MYO5C: variants seen among roughly 807,000 people sequenced by gnomAD.
The protein encoded by MYO5C is unconventional myosin-Vc.
MYO5C carries 194 observed loss-of-function variants against 235.7 expected under a neutral mutation model. The observed-to-expected ratio is 0.82, with a 90% CI of 0.73 to 0.93. The LOEUF (loss-of-function observed/expected upper bound fraction) is 0.93. Ranked by LOEUF, MYO5C falls within the 40% of genes least tolerant of loss-of-function variation. The pLI, the probability that MYO5C is intolerant of heterozygous loss-of-function variation, is 0.00. For missense variants in MYO5C, 2,038 were observed against 2,127.2 expected (o/e 0.96, Z 0.82); for synonymous variants, 707 against 754.8 (o/e 0.94, Z 1.04).
intron 1 of MYO5C, among the ~76,000 whole-genome samples, chr15:52,285,256 T>C (rs945102192): frequency 1.3e-5 from 2 of 151,864 alleles, no homozygotes; most frequent in African/African-American, 2.4e-5. Flanking sequence ...TAATCCCAAC[T>C]ACTCAGGAGG....
chr15:52,211,598 A>G, intron 35 of MYO5C, 132 bp downstream of exon 35: 13 of 951,694 alleles, frequency 1.4e-5, no homozygotes, highest in Non-Finnish European at 2.1e-5. Flanking sequence ...TCCCTTCACT[A>G]GTTGGGCCTC....
chr15:52,223,146 C>A (rs1375746477), intron 29 of MYO5C, among the ~76,000 whole-genome samples: 1 of 44,208 alleles, frequency 2.3e-5, no homozygotes, highest in African/African-American at 4.4e-5. Context: ...GAGACTTCAT[C>A]TCAAAAAAAA....
At chr15:52,207,103 A>G (rs1420242103) in intron 36 of MYO5C, among the ~76,000 whole-genome samples, 1 of 152,092 alleles carries the variant, frequency 6.6e-6, no homozygotes, top group Non-Finnish European at 1.5e-5. Context: ...ACTGTACTCC[A>G]GCCTGGGTGA....
intron 16 of MYO5C, 34 bp downstream of exon 16, chr15:52,246,883 A>G (rs937735831): frequency 6.4e-7 from 1 of 1,553,684 alleles, no homozygotes; most frequent in African/African-American, 1.4e-5. Context: ...CTGCCTTCCC[A>G]CGTCTTCGCT....
intron 38 of MYO5C, among the ~76,000 whole-genome samples, chr15:52,199,731 G>A (rs555972951): frequency 9.2e-5 from 14 of 152,230 alleles, no homozygotes; most frequent in African/African-American, 3.1e-4. Flanking sequence ...GACAGCAGTG[G>A]TGGCGAAGGA....
At chr15:52,208,723 G>T in intron 35 of MYO5C, 80 bp from the exon 36 acceptor site, 1 of 1,233,980 alleles carries the variant, frequency 8.1e-7, no homozygotes, top group South Asian at 1.3e-5. Flanking sequence ...GTTATTTGTA[G>T]CTTTTGACCA....
chr15:52,277,211 A>T (rs1433430429), intron 4 of MYO5C: 1 of 530,676 alleles, frequency 1.9e-6, no homozygotes, highest in African/African-American at 1.9e-5. Context: ...CTAGCATCAA[A>T]CAAGGCCAAC....
chr15:52,288,519 A>G (rs2037323113), intron 1 of MYO5C, among the ~76,000 whole-genome samples: 1 of 152,200 alleles, frequency 6.6e-6, no homozygotes, highest in Non-Finnish European at 1.5e-5. Context: ...GCTGAAACCC[A>G]GCCTGGTAAG....
At chr15:52,240,523 TAGAG>T (rs1408160841) in intron 20 of MYO5C, among the ~76,000 whole-genome samples, 6 of 112,930 alleles carry the variant, frequency 5.3e-5, no homozygotes, top group African/African-American at 6.7e-5. Flanking sequence ...CTTGGCAATA[TAGAG>T]ACTCATTCTC....
intron 38 of MYO5C, among the ~76,000 whole-genome samples, chr15:52,201,919 TAAA>T (rs57001210): frequency 2.0e-4 from 25 of 125,966 alleles, no homozygotes; most frequent in African/African-American, 5.2e-4. Context: ...GGGATAATAC[TAAA>T]AAAAAAAAAA....
chr15:52,277,822 A>G (rs1174689426), intron 4 of MYO5C: 2 of 454,636 alleles, frequency 4.4e-6, no homozygotes, highest in Non-Finnish European at 8.8e-6. Context: ...ACATCTGTGC[A>G]GGAAAGCAGC....
intron 28 of MYO5C, among the ~76,000 whole-genome samples, chr15:52,224,043 G>A (rs2035761504): frequency 6.6e-6 from 1 of 152,212 alleles, no homozygotes. Flanking sequence ...AGGATTTTGG[G>A]AGGCCGAGGT....
chr15:52,284,296 T>C (rs1450554222), intron 1 of MYO5C, among the ~76,000 whole-genome samples: 1 of 151,972 alleles, frequency 6.6e-6, no homozygotes, highest in East Asian at 1.9e-4. Flanking sequence ...AGCAAAAGCA[T>C]GGGTGAGTCA....
chr15:52,227,094 G>C (rs1020946310), intron 25 of MYO5C, among the ~76,000 whole-genome samples: 1 of 151,624 alleles, frequency 6.6e-6, no homozygotes, highest in Non-Finnish European at 1.5e-5. Context: ...AGGTTGCAGT[G>C]AGCCAAGATG....
At chr15:52,267,042 A>AG (rs1187936243) in intron 8 of MYO5C, among the ~76,000 whole-genome samples, 1 of 152,238 alleles carries the variant, frequency 6.6e-6, no homozygotes, top group Non-Finnish European at 1.5e-5. Flanking sequence ...AACCCGGCAC[A>AG]TGCAGGGCCC....
chr15:52,236,446 G>A (rs1444114461), intron 22 of MYO5C, among the ~76,000 whole-genome samples: 1 of 152,224 alleles, frequency 6.6e-6, no homozygotes, highest in African/African-American at 2.4e-5. Flanking sequence ...GGCCAAGCGG[G>A]GGTGGATCAC....
chr15:52,192,322 T>C lies in MYO5C; in HGVS notation c.*1580A>G, dbSNP rs2034943617. On this transcript the variant is annotated 3_prime_UTR_variant, in exon 41 of 41. Transcript: ENST00000261839. ...CAATGAAAGAATCTGACCCAATTCA[T>C]TTGGTAATTAATTTTATTGATTAAA... The C allele has an allele frequency of 1.3e-5, 2 of 152,196 alleles. No homozygotes were observed. The highest frequency in any genetic ancestry group is 2.9e-5 in the Non-Finnish European group (2 of 68,022). 9.4% of individuals were successfully genotyped at this position (152,196 alleles called of 1,614,324 possible).
chr15:52,279,167 C>CGTG, intron 3 of MYO5C, 150 bp from the exon 4 acceptor site: 1 of 822,634 alleles, frequency 1.2e-6, no homozygotes, highest in Non-Finnish European at 1.9e-6. Flanking sequence ...TAATTCCCTG[C>CGTG]CAGTCACCTA....
In MYO5C at chr15:52,235,501, T is replaced by C. The variant is rs1460028057; in HGVS notation, c.2962+169A>G. Among the ~76,000 whole-genome samples the C allele has an allele frequency of 7.2e-5, 11 of 152,330 alleles. No individual in the cohort carries two copies. The East Asian group carries it at 1.9e-3, about 27-fold the overall frequency. On this transcript the variant is annotated intron_variant, in intron 23 of 40. Transcript: ENST00000261839. ...GACAGAAATAAAACAGACGAATCTG[T>C]AGGGCAAAGTTACCACGACTTAAAT...
Sources: allele counts gnomAD v4.1 joint callset (sites outside exome capture counted in the v4.1 genomes callset), GRCh38; gene constraint gnomAD v4.1.1; transcripts MANE v1.5; gene names NCBI Gene and HGNC (gene_info 2026-07-23, HGNC 2026-07-21).